Variants in CHRM3 observed in about 807,000 individuals in gnomAD.
CHRM3 encodes the protein cholinergic receptor muscarinic 3, also known as muscarinic acetylcholine receptor M3.
A neutral mutation model predicts 41.8 loss-of-function variants in CHRM3; 11 were observed. The observed-to-expected ratio is 0.26, with a 90% confidence interval of 0.17 to 0.44. The LOEUF (loss-of-function observed/expected upper bound fraction) is 0.44, where lower values mean the gene tolerates loss of function less well. Among genes scored for constraint, CHRM3 ranks in the 20% least tolerant of loss-of-function variants. The probability of loss-of-function intolerance (pLI) is 1.00; values close to 1 mark genes in which losing one functional copy is unlikely to be tolerated. For synonymous variants in CHRM3, 297 were observed against 301.4 expected (o/e 0.99, Z 0.15); for missense variants, 571 against 745.4 (o/e 0.77, Z 2.72).
intron 1 of CHRM3, among the ~76,000 whole-genome samples, chr1:239,427,278 C>T (rs1662463357): frequency 6.6e-6 from 1 of 152,048 alleles, no homozygotes; most frequent in South Asian, 2.1e-4. Context: ...GGGCAGGATT[C>T]AGAAAACCAA....
At chr1:239,450,692 G>A (rs1364610185) in intron 1 of CHRM3, among the ~76,000 whole-genome samples, 1 of 152,122 alleles carries the variant, frequency 6.6e-6, no homozygotes, top group Non-Finnish European at 1.5e-5. Context: ...GAAATATATT[G>A]CCAAATGGGC....
chr1:239,816,306 C>A (rs1457134490), intron 5 of CHRM3, among the ~76,000 whole-genome samples: 6 of 152,192 alleles, frequency 3.9e-5, no homozygotes, highest in African/African-American at 1.2e-4. Flanking sequence ...TTTCCTAATA[C>A]AGTCTTGCTT....
chr1:239,808,794 C>T (rs999226851), intron 5 of CHRM3, among the ~76,000 whole-genome samples: 1 of 152,162 alleles, frequency 6.6e-6, no homozygotes, highest in African/African-American at 2.4e-5. Flanking sequence ...ATTAAATCAG[C>T]ACTCTCTTAG....
At chr1:239,670,884 T>C (rs1231543543) in intron 4 of CHRM3, among the ~76,000 whole-genome samples, 1 of 152,166 alleles carries the variant, frequency 6.6e-6, no homozygotes, top group African/African-American at 2.4e-5. Context: ...AGTAGACTTG[T>C]ATTTTTCACT....
chr1:239,466,943 T>C (rs1438624946), intron 1 of CHRM3, among the ~76,000 whole-genome samples: 1 of 152,160 alleles, frequency 6.6e-6, no homozygotes, highest in African/African-American at 2.4e-5. Context: ...AAAGTTCAGG[T>C]TTTTGGACTC....
intron 1 of CHRM3, among the ~76,000 whole-genome samples, chr1:239,420,026 G>C (rs1416847571): frequency 2.0e-5 from 3 of 152,150 alleles, no homozygotes; most frequent in Admixed American, 6.5e-5. Context: ...AGGCTAATTA[G>C]CCCGCATAAC....
intron 1 of CHRM3, among the ~76,000 whole-genome samples, chr1:239,404,788 A>G (rs1660467420): frequency 6.9e-6 from 1 of 144,192 alleles, no homozygotes. Context: ...TTCACAGGGT[A>G]CTATAAAAAC....
chr1:239,889,316 GC>G (rs923818748), intron 6 of CHRM3, among the ~76,000 whole-genome samples: 1 of 151,624 alleles, frequency 6.6e-6, no homozygotes, highest in Non-Finnish European at 1.5e-5. Flanking sequence ...ATTTCTGGTA[GC>G]CCCCCCTCTA....
At chr1:239,484,956 T>C (rs1667093829) in intron 1 of CHRM3, among the ~76,000 whole-genome samples, 1 of 152,154 alleles carries the variant, frequency 6.6e-6, no homozygotes, top group South Asian at 2.1e-4. Context: ...AGTTCATACA[T>C]TTTTATGAGC....
intron 5 of CHRM3, among the ~76,000 whole-genome samples, chr1:239,802,944 G>A (rs1670335156): frequency 6.6e-6 from 1 of 152,204 alleles, no homozygotes. Flanking sequence ...ACTTTGAGGT[G>A]CAAGGAAGCT....
At chr1:239,655,219 A>G (rs573660832) in intron 4 of CHRM3, among the ~76,000 whole-genome samples, 1 of 152,366 alleles carries the variant, frequency 6.6e-6, no homozygotes, top group East Asian at 1.9e-4. Context: ...AACCAAGTAT[A>G]GTAAGGTCTC....
chr1:239,767,107 C>A lies in CHRM3; in HGVS notation c.-146-60145C>A, dbSNP rs367664849. Among the ~76,000 whole-genome samples the A allele has an allele frequency of 2.6e-5, 4 of 152,274 alleles. No homozygotes were observed. The East Asian group carries it at 5.8e-4, about 22-fold the overall frequency. The stretch of plus-strand genomic sequence containing the variant: ...TATATTTTTTCTCAATTAGTTTCAC[C>A]TCTTCCCCAATTGAATTTTGTACTT... On this transcript the variant is annotated intron_variant, in intron 5 of 6. Coordinates refer to ENST00000676153, the MANE Select transcript of CHRM3 (RefSeq NM_001375978.1).
chr1:239,695,117 T>A (rs772749546), intron 5 of CHRM3, among the ~76,000 whole-genome samples: 107 of 152,304 alleles, frequency 7.0e-4, no homozygotes, highest in Admixed American at 1.7e-3. Context: ...TTCAAGAGAT[T>A]CTTCTGCCTC....
chr1:239,471,034 T>TTTA (rs1666082070), intron 1 of CHRM3, among the ~76,000 whole-genome samples: 1 of 152,200 alleles, frequency 6.6e-6, no homozygotes, highest in African/African-American at 2.4e-5. Flanking sequence ...TCCAGCCTAG[T>TTTA]ATCAAATAGA....
intron 3 of CHRM3, among the ~76,000 whole-genome samples, chr1:239,622,604 A>T (rs1326404234): frequency 1.3e-5 from 2 of 152,206 alleles, no homozygotes; most frequent in South Asian, 4.1e-4. Context: ...ACTAGAATTT[A>T]AAGTGGAGCC....
intron 3 of CHRM3, among the ~76,000 whole-genome samples, chr1:239,614,775 A>G (rs1423208175): frequency 6.6e-6 from 1 of 152,164 alleles, no homozygotes. Context: ...TTTTTTCAGG[A>G]TAGCTGATAT....
chr1:239,764,777 A>G (rs1045249531), intron 5 of CHRM3, among the ~76,000 whole-genome samples: 1 of 152,248 alleles, frequency 6.6e-6, no homozygotes, highest in African/African-American at 2.4e-5. Flanking sequence ...GCCACGTCTC[A>G]TGAGATTTAT....
At chr1:239,861,481 A>T (rs1675636154) in intron 6 of CHRM3, among the ~76,000 whole-genome samples, 1 of 152,136 alleles carries the variant, frequency 6.6e-6, no homozygotes, top group South Asian at 2.1e-4. Context: ...TAGGGACTGA[A>T]AGATGATTGA....
chr1:239,759,179 T>G (rs1334516849), intron 5 of CHRM3, among the ~76,000 whole-genome samples: 7 of 141,232 alleles, frequency 5.0e-5, no homozygotes, highest in Admixed American at 4.3e-4. Flanking sequence ...GTTTTTTTTT[T>G]TTGTTTTTTT....
Sources: allele counts gnomAD v4.1 joint callset (sites outside exome capture counted in the v4.1 genomes callset), GRCh38; gene constraint gnomAD v4.1.1; transcripts MANE v1.5; gene names NCBI Gene and HGNC (gene_info 2026-07-23, HGNC 2026-07-21).